KCNIP4: variants seen among roughly 807,000 people sequenced by gnomAD.
KCNIP4 encodes the protein potassium voltage-gated channel interacting protein 4.
KCNIP4 carries 12 observed loss-of-function variants against 34.0 expected under a neutral mutation model. The observed-to-expected ratio is 0.35, with a 90% CI of 0.23 to 0.57. The LOEUF is 0.57. KCNIP4 is among the 20% of genes least tolerant of loss of function. The pLI, the probability that KCNIP4 is intolerant of heterozygous loss-of-function variation, is 0.83. For synonymous variants in KCNIP4, 124 were observed against 102.2 expected (o/e 1.21, Z -1.29); for missense variants, 238 against 311.7 (o/e 0.76, Z 1.78).
Position 20,831,031 on chromosome 4 carries a change from TAAAG to T in KCNIP4, c.288+19508_288+19511del, listed in dbSNP as rs146128602. 4.8e-3 allele frequency among the ~76,000 whole-genome samples: 731 copies of T among 152,320 alleles called. 5 individuals carry two copies. Among genetic ancestry groups the T allele is most frequent in the Admixed American group, 9.4e-3 (144 of 15,300 alleles). ...TTTTAGTATTTGCCTCTGTAAAATA[TAAAG>T]AGAGTGGGATTGGTTGATCTCAAAG... On this transcript the variant is annotated intron_variant, in intron 3 of 8. Coordinates refer to ENST00000382152, the MANE Select transcript of KCNIP4 (RefSeq NM_025221.6).
chr4:20,842,255 G>A (rs990862710), intron 3 of KCNIP4, among the ~76,000 whole-genome samples: 13 of 152,126 alleles, frequency 8.5e-5, no homozygotes, highest in Non-Finnish European at 1.6e-4. Flanking sequence ...TATGGATGTG[G>A]AGAAGGTGTA....
chr4:20,922,400 C>T (rs1375862925), intron 1 of KCNIP4, among the ~76,000 whole-genome samples: 1 of 152,128 alleles, frequency 6.6e-6, no homozygotes, highest in Non-Finnish European at 1.5e-5. Context: ...TGCTCCCAGA[C>T]ATTGTAGCGT....
intron 1 of KCNIP4, among the ~76,000 whole-genome samples, chr4:21,021,538 C>T (rs374295184): frequency 1.3e-5 from 2 of 152,104 alleles, no homozygotes; most frequent in South Asian, 2.1e-4. Flanking sequence ...TCTTTATATT[C>T]TTATTCTATA....
intron 1 of KCNIP4, among the ~76,000 whole-genome samples, chr4:21,699,271 T>C (rs554485187): frequency 2.0e-5 from 3 of 152,202 alleles, no homozygotes; most frequent in Non-Finnish European, 4.4e-5. Context: ...TATTCATAGA[T>C]GTAGCAATTC....
chr4:21,364,947 G>A (rs1719590616), intron 1 of KCNIP4, among the ~76,000 whole-genome samples: 1 of 152,102 alleles, frequency 6.6e-6, no homozygotes, highest in African/African-American at 2.4e-5. Flanking sequence ...AGATAGGAAA[G>A]CAAGGGAAAG....
At chr4:21,850,465 A>G (rs1724306091) in intron 1 of KCNIP4, 1 of 152,056 alleles carries the variant, frequency 6.6e-6, no homozygotes, top group Admixed American at 6.6e-5. Context: ...AGAGGAAGAG[A>G]GAACTAAGCT....
At chr4:20,854,688 G>T (rs1355898843) in intron 2 of KCNIP4, among the ~76,000 whole-genome samples, 1 of 152,094 alleles carries the variant, frequency 6.6e-6, no homozygotes, top group East Asian at 1.9e-4. Context: ...AGTGAAAAAA[G>T]AAATCAGATA....
At chr4:21,661,203 C>T (rs1258951770) in intron 1 of KCNIP4, among the ~76,000 whole-genome samples, 5 of 152,134 alleles carry the variant, frequency 3.3e-5, no homozygotes, top group African/African-American at 9.7e-5. Context: ...TCCAGCTCCC[C>T]ATCCCATTTA....
intron 1 of KCNIP4, among the ~76,000 whole-genome samples, chr4:21,818,851 A>G (rs926071505): frequency 7.2e-5 from 11 of 152,168 alleles, no homozygotes; most frequent in Admixed American, 1.3e-4. Context: ...ACTAGTAAAA[A>G]ACAAAACAAA....
At chr4:21,088,171 G>A (rs1449596128) in intron 1 of KCNIP4, among the ~76,000 whole-genome samples, 1 of 151,980 alleles carries the variant, frequency 6.6e-6, no homozygotes, top group Non-Finnish European at 1.5e-5. Context: ...TTACCTCATT[G>A]TTGAAGCCAA....
intron 1 of KCNIP4, among the ~76,000 whole-genome samples, chr4:21,235,496 T>C (rs923706836): frequency 2.6e-5 from 4 of 152,168 alleles, no homozygotes; most frequent in Non-Finnish European, 5.9e-5. Context: ...TCCCCAGATA[T>C]CCATGACTTG....
At chr4:21,174,116 T>C (rs1192849821) in intron 1 of KCNIP4, among the ~76,000 whole-genome samples, 1 of 152,156 alleles carries the variant, frequency 6.6e-6, no homozygotes, top group African/African-American at 2.4e-5. Flanking sequence ...AGTGGCTCTG[T>C]TGTCCAGACA....
intron 1 of KCNIP4, among the ~76,000 whole-genome samples, chr4:21,399,869 G>A (rs1446261588): frequency 6.6e-6 from 1 of 152,154 alleles, no homozygotes; most frequent in Non-Finnish European, 1.5e-5. Context: ...TCTAGACGTG[G>A]AGCAGGGCCA....
intron 1 of KCNIP4, among the ~76,000 whole-genome samples, chr4:21,425,613 C>T (rs552338419): frequency 7.2e-5 from 11 of 152,184 alleles, no homozygotes; most frequent in Admixed American, 3.9e-4. Context: ...TATATGCACA[C>T]GTCATTAACA....
At chr4:21,243,061 C>T (rs560973212) in intron 1 of KCNIP4, among the ~76,000 whole-genome samples, 1 of 151,952 alleles carries the variant, frequency 6.6e-6, no homozygotes, top group African/African-American at 2.4e-5. Context: ...TTATCACTAA[C>T]GTTATTATCA....
chr4:21,796,797 A>G (rs939693453), intron 1 of KCNIP4, among the ~76,000 whole-genome samples: 1 of 152,216 alleles, frequency 6.6e-6, no homozygotes, highest in Non-Finnish European at 1.5e-5. Flanking sequence ...CAATGATTTA[A>G]TTCTGTGGTT....
At chr4:21,737,881 G>A (rs1045427162) in intron 1 of KCNIP4, among the ~76,000 whole-genome samples, 5 of 151,810 alleles carry the variant, frequency 3.3e-5, no homozygotes, top group African/African-American at 9.7e-5. Flanking sequence ...TCAGGAGATC[G>A]AGACCATCCT....
chr4:20,859,107 G>T (rs543642821), intron 2 of KCNIP4, among the ~76,000 whole-genome samples: 6 of 152,256 alleles, frequency 3.9e-5, no homozygotes, highest in African/African-American at 7.2e-5. Flanking sequence ...AAAATATGCC[G>T]GGGCACCTTC....
chr4:21,742,114 A>G (rs1192881516), intron 1 of KCNIP4, among the ~76,000 whole-genome samples: 2 of 152,138 alleles, frequency 1.3e-5, no homozygotes, highest in African/African-American at 4.8e-5. Flanking sequence ...AAAAAACTCA[A>G]GTACCAAATT....
Sources: gnomAD v4.1 joint callset for allele counts (sites outside exome capture counted in the v4.1 genomes callset) on GRCh38, gnomAD v4.1.1 for gene constraint, MANE v1.5 for transcripts, NCBI Gene and HGNC (gene_info 2026-07-23, HGNC 2026-07-21) for gene names.